Variants in DNAAF6 observed in about 807,000 individuals in gnomAD.
The protein encoded by DNAAF6 is dynein axonemal assembly factor 6, also known as PIH1 domain containing 3.
Under a neutral mutation model 13.7 loss-of-function variants are expected in DNAAF6, and 3 were observed. The observed-to-expected ratio is 0.22, with a 90% CI of 0.10 to 0.56. The LOEUF (loss-of-function observed/expected upper bound fraction) is 0.56. DNAAF6 is among the 20% of genes least tolerant of loss of function. The pLI, the probability that DNAAF6 is intolerant of heterozygous loss-of-function variation, is 0.92. For missense variants in DNAAF6, 130 were observed against 151.0 expected (o/e 0.86, Z 0.73); for synonymous variants, 54 against 49.2 (o/e 1.10, Z -0.41).
chrX:107,222,905 A>C (rs1056485944), intron 5 of DNAAF6, 64 bp downstream of exon 5: 2 of 1,135,083 alleles, frequency 1.8e-6, no homozygotes, highest in African/African-American at 3.7e-5. Context: ...ACTGACTATT[A>C]TTTACATAAT....
intron 5 of DNAAF6, among the ~76,000 whole-genome samples, chrX:107,228,960 G>A (rs1268769320): frequency 1.9e-5 from 2 of 107,888 alleles, no homozygotes; most frequent in Non-Finnish European, 3.8e-5. Context: ...TCAGGGCCAG[G>A]GTTGCCTTAA....
chrX:107,241,742 C>T (rs1928628299), intron 6 of DNAAF6, among the ~76,000 whole-genome samples: 2 of 111,844 alleles, frequency 1.8e-5, no homozygotes, highest in Admixed American at 1.9e-4. Flanking sequence ...TACTGTTCAA[C>T]ATTTTATTAT....
intron 5 of DNAAF6, among the ~76,000 whole-genome samples, chrX:107,231,157 T>C (rs1928385670): frequency 1.8e-5 from 2 of 111,886 alleles, no homozygotes; most frequent in Non-Finnish European, 3.8e-5. Context: ...AAAGAGATCC[T>C]GTCATTTGAA....
Position 107,227,450 on chromosome X carries a change from G to C in DNAAF6, c.429+4609G>C, listed in dbSNP as rs763681239. 1.9e-3 allele frequency among the ~76,000 whole-genome samples: 207 copies of C among 109,247 alleles called. 1 individual carries two copies. The highest frequency in any genetic ancestry group is 6.6e-3 in the African/African-American group (198 of 30,121). The allele number at this position is 109,247 out of a possible 115,157, so 94.9% of individuals were successfully genotyped here. A position where few individuals can be genotyped will look rare whatever the true frequency, so the allele number is the denominator to read the frequency against. ...GCTGCTTGATAATGAAATAGGTTTT[G>C]TTCTCCATTCTATTCCCCTCTAGAG... is the stretch of plus-strand genomic sequence containing the variant. On this transcript the variant is annotated intron_variant, in intron 5 of 6. Transcript: ENST00000372453.
chrX:107,238,998 C>T lies in DNAAF6; in HGVS notation c.506C>T (p.Thr169Ile). ...DIQETILDLRTPQKKLLITLP... is the reference protein window; with the variant it reads ...DIQETILDLRIPQKKLLITLP... ...CAGGAAACAATCCTTGACCTTCGTA[C>T]TCCTCAGAAGTGAGTAAAACTTAGA... The change falls in exon 6 of 7, where the codon ACT (threonine) becomes ATT (isoleucine). Residue 169 changes from threonine (T) to isoleucine (I), a missense_variant. By Grantham distance (89) the Thr-to-Ile change is moderately conservative. Transcript: ENST00000372453. 3 of 1,209,093 alleles carry T rather than the reference C, an allele frequency of 2.5e-6. No individual in the cohort carries two copies. Among genetic ancestry groups the T allele is most frequent in the Non-Finnish European group, 3.4e-6 (3 of 894,468 alleles).
intron 4 of DNAAF6, 44 bp downstream of exon 4, chrX:107,219,013 G>A (rs1928060833): frequency 8.9e-7 from 1 of 1,117,634 alleles, no homozygotes; most frequent in Admixed American, 3.7e-5. Context: ...GTTTAAGTTA[G>A]CTGTGTCATC....
chrX:107,215,418 G>A (rs1271013135), intron 2 of DNAAF6, among the ~76,000 whole-genome samples: 1 of 110,771 alleles, frequency 9.0e-6, no homozygotes, highest in Non-Finnish European at 1.9e-5. Context: ...TTTAAGAAAA[G>A]TACTACACAT....
At chrX:107,228,275 G>A (rs1230837634) in intron 5 of DNAAF6, among the ~76,000 whole-genome samples, 1 of 112,022 alleles carries the variant, frequency 8.9e-6, no homozygotes, top group Non-Finnish European at 1.9e-5. Flanking sequence ...AGCTTCAGTG[G>A]CATGGCCAAC....
At chrX:107,242,713 C>T (rs547642526) in intron 6 of DNAAF6, among the ~76,000 whole-genome samples, 3 of 112,333 alleles carry the variant, frequency 2.7e-5, no homozygotes, top group African/African-American at 9.7e-5. Flanking sequence ...TGAAATCATT[C>T]CCAGCCTCAG....
intron 3 of DNAAF6, among the ~76,000 whole-genome samples, chrX:107,218,447 C>A (rs1437747514): frequency 9.0e-6 from 1 of 110,559 alleles, no homozygotes; most frequent in Non-Finnish European, 1.9e-5. Context: ...GTAATTTTTT[C>A]TTTTATATAA....
intron 2 of DNAAF6, 57 bp downstream of exon 2, chrX:107,213,085 AT>A (rs1162766527): frequency 9.2e-7 from 1 of 1,089,351 alleles, no homozygotes; most frequent in Non-Finnish European, 1.2e-6. Flanking sequence ...GTGGAACTGT[AT>A]TTGAATAACC....
rs1569372235 is a variant in DNAAF6 at position 107,217,384 on chromosome X, T to C, written c.226+641T>C. Among the ~76,000 whole-genome samples, 3 of 111,887 alleles carry C rather than the reference T, an allele frequency of 2.7e-5. No individual in the cohort carries two copies. In the Admixed American group the frequency reaches 2.9e-4, roughly 11 times the overall value. On this transcript the variant is annotated intron_variant, in intron 3 of 6. Transcript: ENST00000372453. ...TTAATAAATATTTATTGAGAACCTA[T>C]TGTATCAGGCAGTATGACCATCTCT...
intron 6 of DNAAF6, 132 bp downstream of exon 6, chrX:107,239,139 G>A (rs1158230799): frequency 1.1e-6 from 1 of 952,095 alleles, no homozygotes; most frequent in African/African-American, 2.0e-5. Context: ...TTTGTATTCA[G>A]ATGTTTGATC....
chrX:107,220,953 TTCTTTTTC>T (rs1218103149), intron 4 of DNAAF6, among the ~76,000 whole-genome samples: 1,525 of 65,742 alleles, frequency 0.023, 25 homozygotes, highest in African/African-American at 0.068. Flanking sequence ...CTTTCTTTCT[TTCTTTTTC>T]TTTCTTTCTT....
rs762882859 is a variant in DNAAF6, at chrX:107,218,969, A to G, written c.332A>G (p.Glu111Gly). The G allele has an allele frequency of 8.5e-7, 1 of 1,173,435 alleles. No homozygotes were observed. Among genetic ancestry groups the G allele is most frequent in the Non-Finnish European group, 1.1e-6 (1 of 883,561 alleles). The change falls in exon 4 of 7, where the codon GAG (glutamate) becomes GGG (glycine). Residue 111 changes from glutamate to glycine, a missense_variant and splice_region_variant. Physicochemically the swap from Glu to Gly is moderately conservative, Grantham distance 98. Coordinates refer to ENST00000372453, the MANE Select transcript of DNAAF6 (RefSeq NM_173494.2). ...ATGTGGGATGTTAGAGAAATCCCAG[A>G]GTAAGTCAAATGAAGCCAGGAATGT... Reference protein sequence around the residue: ...DDMWDVREIPEYEIIFRQQVG... With the variant: ...DDMWDVREIPGYEIIFRQQVG...
At chrX:107,219,749 A>G (rs1429005057) in intron 4 of DNAAF6, among the ~76,000 whole-genome samples, 1 of 111,112 alleles carries the variant, frequency 9.0e-6, no homozygotes, top group Non-Finnish European at 1.9e-5. Flanking sequence ...AAAGACTTCT[A>G]TGGCAAGTGA....
intron 5 of DNAAF6, among the ~76,000 whole-genome samples, chrX:107,233,509 T>C (rs981323356): frequency 1.8e-5 from 2 of 111,696 alleles, no homozygotes; most frequent in Non-Finnish European, 3.8e-5. Flanking sequence ...CCACCTCTAG[T>C]AACCACCATT....
chrX:107,226,819 AT>A (rs755111945), intron 5 of DNAAF6, among the ~76,000 whole-genome samples: 1 of 111,072 alleles, frequency 9.0e-6, no homozygotes, highest in Non-Finnish European at 1.9e-5. Context: ...CACTAAGCCT[AT>A]TTTTTCCCAA....
chrX:107,225,623 A>G (rs1160619029), intron 5 of DNAAF6, among the ~76,000 whole-genome samples: 1 of 111,364 alleles, frequency 9.0e-6, no homozygotes, highest in East Asian at 2.8e-4. Context: ...TAGGAGTACA[A>G]TCTGTTTACG....
Sources: allele counts gnomAD v4.1 joint callset (sites outside exome capture counted in the v4.1 genomes callset), GRCh38; gene constraint gnomAD v4.1.1; transcripts MANE v1.5; gene names NCBI Gene and HGNC (gene_info 2026-07-23, HGNC 2026-07-21).